Variants in C1orf21 observed in about 807,000 individuals in gnomAD.
C1orf21 encodes the protein chromosome 1 open reading frame 21, also known as uncharacterized protein C1orf21.
Under a neutral mutation model 18.7 loss-of-function variants are expected in C1orf21, and 3 were observed. The ratio of observed to expected loss-of-function variants is 0.16; its 90% CI spans 0.07 to 0.42. The LOEUF is 0.42. Ranked by LOEUF, C1orf21 falls within the 10% of genes least tolerant of loss-of-function variation. The pLI, the probability that C1orf21 is intolerant of heterozygous loss-of-function variation, is 0.99. For missense variants in C1orf21, 104 were observed against 143.6 expected, an observed-to-expected ratio of 0.72 and a Z score of 1.41; for synonymous variants, 41 against 46.4, an observed-to-expected ratio of 0.88 and a Z score of 0.47.
At chr1:184,499,084 ATCC>A (rs999614331) in intron 2 of C1orf21, among the ~76,000 whole-genome samples, 9 of 151,838 alleles carry the variant, frequency 5.9e-5, no homozygotes, top group Non-Finnish European at 7.4e-5. Flanking sequence ...GCTCTCATTT[ATCC>A]TCCTCCTCCT....
At chr1:184,525,350 AT>A (rs1204311855) in intron 3 of C1orf21, among the ~76,000 whole-genome samples, 2 of 152,106 alleles carry the variant, frequency 1.3e-5, no homozygotes, top group African/African-American at 4.8e-5. Context: ...TGATTGAATT[AT>A]GATTTTCCAA....
chr1:184,524,760 C>T (rs1398935797), intron 3 of C1orf21, among the ~76,000 whole-genome samples: 1 of 151,900 alleles, frequency 6.6e-6, no homozygotes, highest in African/African-American at 2.4e-5. Flanking sequence ...ATTTCAAACC[C>T]CTAAAGAGGA....
At chr1:184,467,937 A>G (rs1657427928) in intron 1 of C1orf21, among the ~76,000 whole-genome samples, 1 of 151,978 alleles carries the variant, frequency 6.6e-6, no homozygotes, top group South Asian at 2.1e-4. Flanking sequence ...CACAAAAATC[A>G]CAAAATACTG....
chr1:184,388,127 G>A (rs1173909133), intron 1 of C1orf21, among the ~76,000 whole-genome samples: 1 of 152,124 alleles, frequency 6.6e-6, no homozygotes, highest in Non-Finnish European at 1.5e-5. Flanking sequence ...CTCCCTCTAC[G>A]GAGGGTTAGT....
intron 1 of C1orf21, among the ~76,000 whole-genome samples, chr1:184,430,342 G>A (rs1395845358): frequency 6.6e-6 from 1 of 152,096 alleles, no homozygotes; most frequent in Non-Finnish European, 1.5e-5. Flanking sequence ...CCTCCACTCT[G>A]AGCCCCTCCT....
At chr1:184,417,906 A>G (rs1460484754) in intron 1 of C1orf21, among the ~76,000 whole-genome samples, 1 of 152,202 alleles carries the variant, frequency 6.6e-6, no homozygotes, top group Non-Finnish European at 1.5e-5. Context: ...GTATCGCTGC[A>G]TGAATGTGTG....
intron 3 of C1orf21, among the ~76,000 whole-genome samples, chr1:184,526,717 A>G (rs1261001349): frequency 6.6e-6 from 1 of 152,220 alleles, no homozygotes; most frequent in African/African-American, 2.4e-5. Flanking sequence ...CTATTCATTG[A>G]GAAATAGCCC....
intron 1 of C1orf21, among the ~76,000 whole-genome samples, chr1:184,457,116 A>G (rs973754137): frequency 6.6e-6 from 1 of 152,226 alleles, no homozygotes; most frequent in Non-Finnish European, 1.5e-5. Flanking sequence ...TAAATGATCC[A>G]TAAATGCTGT....
chr1:184,603,125 G>T (rs1190767255), intron 5 of C1orf21, among the ~76,000 whole-genome samples: 3 of 152,228 alleles, frequency 2.0e-5, no homozygotes, highest in Non-Finnish European at 4.4e-5. Flanking sequence ...CCCAGGCAAA[G>T]AAACTTTGGA....
chr1:184,392,819 CTTTTTTTTT>C (rs397861528), intron 1 of C1orf21, among the ~76,000 whole-genome samples: 1 of 96,822 alleles, frequency 1.0e-5, no homozygotes, highest in African/African-American at 4.1e-5. Flanking sequence ...GACATTCCTC[CTTTTTTTTT>C]TTTTTTTTTT....
In C1orf21 at chr1:184,626,552, G is replaced by A. The variant is rs1238415725; in HGVS notation, c.*6996G>A. 1.3e-5 allele frequency: 2 copies of A among 152,520 alleles called. No individual in the cohort carries two copies. The highest frequency in any genetic ancestry group is 2.9e-5 in the Non-Finnish European group (2 of 68,372). 9.4% of individuals were successfully genotyped at this position (152,520 alleles called of 1,614,324 possible). ...TTCCCGGGGCTTTGCTGGGGATTCAGGGAGCATAAATAAGAGCTTTAGGTG... is the reference window on the plus strand; with the variant it reads ...TTCCCGGGGCTTTGCTGGGGATTCAAGGAGCATAAATAAGAGCTTTAGGTG... On this transcript the variant is annotated 3_prime_UTR_variant, in exon 6 of 6. Transcript: ENST00000235307.
intron 4 of C1orf21, 54 bp from the exon 5 acceptor site, chr1:184,598,347 G>C (rs1207883081): frequency 1.3e-6 from 2 of 1,542,400 alleles, no homozygotes; most frequent in Admixed American, 3.9e-5. Flanking sequence ...CCTTTGAGGG[G>C]ACCAGGTTTA....
intron 1 of C1orf21, among the ~76,000 whole-genome samples, chr1:184,421,364 C>A (rs1656545160): frequency 6.6e-6 from 1 of 152,170 alleles, no homozygotes. Flanking sequence ...CTTGGGCCTT[C>A]CAAAGTGCTG....
chr1:184,420,911 G>A (rs1300385262), intron 1 of C1orf21, among the ~76,000 whole-genome samples: 1 of 151,836 alleles, frequency 6.6e-6, no homozygotes, highest in East Asian at 1.9e-4. Flanking sequence ...CTGATTTTTG[G>A]ATCATCTTGA....
At chr1:184,544,584 A>G (rs771754092) in intron 3 of C1orf21, among the ~76,000 whole-genome samples, 3 of 152,220 alleles carry the variant, frequency 2.0e-5, no homozygotes, top group Non-Finnish European at 2.9e-5. Flanking sequence ...TAATGCATAT[A>G]CCATTGATCT....
intron 3 of C1orf21, among the ~76,000 whole-genome samples, chr1:184,561,431 T>C (rs1167984956): frequency 6.6e-6 from 1 of 152,208 alleles, no homozygotes; most frequent in African/African-American, 2.4e-5. Context: ...AGTGATGAGA[T>C]AAAGCCAAGA....
intron 3 of C1orf21, among the ~76,000 whole-genome samples, chr1:184,514,544 A>G (rs1244062570): frequency 6.6e-6 from 1 of 152,182 alleles, no homozygotes; most frequent in Non-Finnish European, 1.5e-5. Flanking sequence ...ATAGGTATTC[A>G]AATACTAGTG....
intron 4 of C1orf21, among the ~76,000 whole-genome samples, chr1:184,593,022 C>G (rs1180351700): frequency 1.3e-5 from 2 of 152,184 alleles, no homozygotes; most frequent in African/African-American, 4.8e-5. Flanking sequence ...ACTTTATCTG[C>G]CTTTGGGGAC....
chr1:184,399,128 TC>T (rs1334468576), intron 1 of C1orf21, among the ~76,000 whole-genome samples: 2 of 152,200 alleles, frequency 1.3e-5, no homozygotes, highest in Non-Finnish European at 2.9e-5. Context: ...TTACAGGCTT[TC>T]TTTCCCTATT....
Sources: gnomAD v4.1 joint callset for allele counts (sites outside exome capture counted in the v4.1 genomes callset) on GRCh38, gnomAD v4.1.1 for gene constraint, MANE v1.5 for transcripts, NCBI Gene and HGNC (gene_info 2026-07-23, HGNC 2026-07-21) for gene names.